PLCB2: variants seen among roughly 807,000 people sequenced by gnomAD.
PLCB2 encodes the protein phospholipase C beta 2.
PLCB2 carries 115 observed loss-of-function variants against 141.7 expected under a neutral mutation model. The ratio of observed to expected loss-of-function variants is 0.81; its 90% CI spans 0.70 to 0.95. The LOEUF is 0.95. Ranked by LOEUF, PLCB2 falls within the 40% of genes least tolerant of loss-of-function variation. The pLI is 0.00. For synonymous variants in PLCB2, 603 were observed against 595.6 expected (o/e 1.01, Z -0.18); for missense variants, 1,403 against 1,541.1 (o/e 0.91, Z 1.50).
chr15:40,301,548 C>T (rs756228926), intron 7 of PLCB2: 12 of 702,874 alleles, frequency 1.7e-5, no homozygotes, highest in Non-Finnish European at 3.1e-5. Context: ...CGACACGCTG[C>T]AGACTTCCAG....
chr15:40,300,966 TA>T (rs1352989040), intron 7 of PLCB2: 1 of 152,944 alleles, frequency 6.5e-6, no homozygotes, highest in Non-Finnish European at 1.5e-5. Flanking sequence ...AGCAGATAGA[TA>T]AGGAGGACTT....
At chr15:40,284,682 A>C (rs1220454805), downstream of PLCB2, among the ~76,000 whole-genome samples, 1 of 152,132 alleles carries the variant, frequency 6.6e-6, no homozygotes, top group Non-Finnish European at 1.5e-5. Context: ...TCTACTAAAA[A>C]TACAAAAATT....
At chr15:40,287,045 G>A (rs2141013290), downstream of PLCB2, among the ~76,000 whole-genome samples, 1 of 152,320 alleles carries the variant, frequency 6.6e-6, no homozygotes, top group Non-Finnish European at 1.5e-5. Context: ...CACATGCCTG[G>A]GTCAGTGAGT....
Position 40,301,108 on chromosome 15 carries a change from C to G in PLCB2, c.582+849G>C, listed in dbSNP as rs932325926. 84 of 163,854 alleles carry G rather than the reference C, an allele frequency of 5.1e-4. 1 individual carries two copies. The highest frequency in any genetic ancestry group is 1.1e-3 in the Admixed American group (18 of 16,938). The allele number at this position is 163,854 out of a possible 1,614,324, so 10.2% of individuals were successfully genotyped here. ...TCTCCCCAACGCCACATTTGGATCC[C>G]TGTGACTGACTGCATCAAGGAGTCA... On this transcript the variant is annotated intron_variant, in intron 7 of 31. Transcript: ENST00000260402.
chr15:40,304,590 C>T (rs565455245), intron 1 of PLCB2, among the ~76,000 whole-genome samples: 1 of 152,250 alleles, frequency 6.6e-6, no homozygotes, highest in South Asian at 2.1e-4. Context: ...ACTTCAAGGA[C>T]AACCCAAGCC....
At chr15:40,293,523 C>G in intron 20 of PLCB2, 37 bp downstream of exon 20, 1 of 1,602,152 alleles carries the variant, frequency 6.2e-7, no homozygotes, top group Non-Finnish European at 8.5e-7. Context: ...AGGCCAAGAA[C>G]TAGACAGACT....
chr15:40,291,698 G>C (rs777973900), intron 24 of PLCB2, 48 bp from the exon 25 acceptor site: 1 of 1,608,076 alleles, frequency 6.2e-7, no homozygotes, highest in Non-Finnish European at 8.5e-7. Flanking sequence ...GGGGCCCCTT[G>C]GCTCCGTTCG....
At position 40,291,842 on chromosome 15, in the gene PLCB2, C is replaced by CTCA. The variant is rs1162392479; in HGVS notation, c.2602+4_2602+6dup. 2 of 1,614,022 alleles carry CTCA rather than the reference C, an allele frequency of 1.2e-6. No individual in the cohort carries two copies. Among genetic ancestry groups the CTCA allele is most frequent in the Admixed American group, 3.3e-5 (2 of 59,996 alleles). On this transcript the variant is annotated splice_region_variant and intron_variant, in intron 24 of 31. Transcript: ENST00000260402. ...CCCCCAGTAGGTGTGCGGACCGAAG[C>CTCA]TCATACCTGGTGACCCATTGCTCGT...
At chr15:40,304,739 G>A (rs1252666993) in intron 1 of PLCB2, among the ~76,000 whole-genome samples, 2 of 152,142 alleles carry the variant, frequency 1.3e-5, no homozygotes, top group Admixed American at 6.6e-5. Context: ...CCTTGAGCTT[G>A]GTGCTTGGTG....
intron 30 of PLCB2, 57 bp from the exon 31 acceptor site, chr15:40,289,415 G>C (rs1418651372): frequency 7.9e-7 from 1 of 1,267,676 alleles, no homozygotes; most frequent in East Asian, 2.3e-5. Context: ...AGCTGGGTCA[G>C]AATCCAGCTG....
chr15:40,288,833 C>G lies in PLCB2; in HGVS notation c.3440G>C (p.Arg1147Thr), dbSNP rs562540903. 2.5e-6 allele frequency: 4 copies of G among 1,614,104 alleles called. No individual in the cohort carries two copies. In the African/African-American group the frequency reaches 5.3e-5, roughly 22 times the overall value. ...EVKESVRACL[R>T]TCFPSEAKDK... ...CTTGGCCTCGGAGGGAAAGCAGGTC[C>G]TGAGGCAGGCCCTCACCGACTCCTT... is the stretch of plus-strand genomic sequence containing the variant. The change falls in exon 32 of 32, where the codon AGG becomes ACG. Residue 1147 changes from arginine to threonine, a missense_variant. Arg to Thr is a moderately conservative substitution (Grantham distance 71). Around this residue, in one of 4 missense-constraint regions of PLCB2, gnomAD observed 132 missense variants for 132.4 expected, o/e 1.00. Transcript: ENST00000260402.
Position 40,297,435 on chromosome 15 carries a change from G to A in PLCB2, c.1323+86C>T, listed in dbSNP as rs1595663051. 1 of 984,902 alleles carries A rather than the reference G, an allele frequency of 1.0e-6. No individual in the cohort carries two copies. The highest frequency in any genetic ancestry group is 1.3e-5 in the South Asian group (1 of 77,104). The allele number at this position is 984,902 out of a possible 1,614,324, so 61.0% of individuals were successfully genotyped here. A position where few individuals can be genotyped will look rare whatever the true frequency, so the allele number is the denominator to read the frequency against. ...CCAAGTGAACCCTAGCATCCTCTGG[G>A]AGTGTCTCCCTCCCTAACCTGGTTC... On this transcript the variant is annotated intron_variant, in intron 13 of 31. Transcript: ENST00000260402. This position sits in a 1 kb window ranked among gnomAD's most constrained non-coding sequence, Gnocchi z 4.2.
chr15:40,298,028 T>A, intron 11 of PLCB2, 69 bp from the exon 12 acceptor site: 2 of 1,285,888 alleles, frequency 1.6e-6, no homozygotes, highest in Non-Finnish European at 2.2e-6. Flanking sequence ...ATAGCACTTT[T>A]CCCCCCTGCC....
chr15:40,306,591 G>A (rs1213832858), intron 1 of PLCB2, among the ~76,000 whole-genome samples: 1 of 152,148 alleles, frequency 6.6e-6, no homozygotes, highest in African/African-American at 2.4e-5. Context: ...TAGGGAAGCA[G>A]GAAGCATCTC....
chr15:40,297,463 A>AC lies in PLCB2; in HGVS notation c.1323+57dup. ...TGTCTCCCTCCCTAACCTGGTTCTC[A>AC]CCCTGCCCCAGGTTCCCAGGCCCAA... On this transcript the variant is annotated intron_variant, in intron 13 of 31. Transcript: ENST00000260402. This position sits in a 1 kb window ranked among gnomAD's most constrained non-coding sequence, Gnocchi z 4.2. 7.5e-7 allele frequency: 1 copy of AC among 1,329,020 alleles called. No homozygotes were observed. Among genetic ancestry groups the AC allele is most frequent in the Non-Finnish European group, 1.1e-6 (1 of 920,018 alleles). The allele number at this position is 1,329,020 out of a possible 1,614,324, so 82.3% of individuals were successfully genotyped here.
downstream of PLCB2, among the ~76,000 whole-genome samples, chr15:40,286,589 T>C (rs1385720388): frequency 1.3e-5 from 2 of 152,126 alleles, no homozygotes; most frequent in Non-Finnish European, 2.9e-5. Flanking sequence ...TGAGGCATGA[T>C]GCGTGAAGGG....
chr15:40,291,526 G>T, intron 25 of PLCB2, 39 bp from the exon 26 acceptor site: 2 of 1,602,966 alleles, frequency 1.2e-6, no homozygotes, highest in Non-Finnish European at 1.7e-6. Flanking sequence ...CGGCCAGGCC[G>T]TCCTGCCCGT....
At position 40,297,631 on chromosome 15, in the gene PLCB2, G is replaced by C. The variant is rs370367411; in HGVS notation, c.1239-26C>G. ...CTGCGGGGAGCAAAAGCGGGGATGG[G>C]GTTCAGCCGCTCAGCACCAACCCTA... On this transcript the variant is annotated intron_variant, in intron 12 of 31. Transcript: ENST00000260402. The surrounding 1 kb of genome is among the most constrained non-coding windows in gnomAD (Gnocchi z 4.2). 4 of 1,585,492 alleles carry C rather than the reference G, an allele frequency of 2.5e-6. No individual in the cohort carries two copies. Among genetic ancestry groups the C allele is most frequent in the Non-Finnish European group, 2.6e-6 (3 of 1,154,686 alleles).
At position 40,291,577 on chromosome 15, in the gene PLCB2, C is replaced by T. The variant is rs1371379439; in HGVS notation, c.2647+29G>A. 3.7e-6 allele frequency: 6 copies of T among 1,612,710 alleles called. No individual in the cohort carries two copies. In the Admixed American group the frequency reaches 1.0e-4, roughly 27 times the overall value. ...CCCCGGACCCGCCCCAGGCTCATCC[C>T]CGAGATCACCGGGCTCAGCAGGCCT... On this transcript the variant is annotated intron_variant, in intron 25 of 31. Transcript: ENST00000260402.
Sources: allele counts gnomAD v4.1 joint callset (sites outside exome capture counted in the v4.1 genomes callset), GRCh38; gene constraint gnomAD v4.1.1; regional missense constraint gnomAD v4.1.1; non-coding constraint Gnocchi (gnomAD v3.1); transcripts MANE v1.5; gene names NCBI Gene and HGNC (gene_info 2026-07-23, HGNC 2026-07-21).